UTRN: variants seen among roughly 807,000 people sequenced by gnomAD.
UTRN encodes the protein dystrophin-related protein 1.
Under a neutral mutation model 463.9 loss-of-function variants are expected in UTRN, and 283 were observed. The ratio of observed to expected loss-of-function variants is 0.61; its 90% CI spans 0.55 to 0.67. UTRN has a LOEUF of 0.67. Ranked by LOEUF, UTRN falls within the 30% of genes least tolerant of loss-of-function variation. The pLI is 0.00. For missense variants in UTRN, 3,922 were observed against 4,084.3 expected (o/e 0.96, Z 1.08); for synonymous variants, 1,442 against 1,431.5 (o/e 1.01, Z -0.17).
At chr6:144,848,155 A>G (rs1782181766) in intron 74 of UTRN, among the ~76,000 whole-genome samples, 3 of 152,028 alleles carry the variant, frequency 2.0e-5, no homozygotes, top group Non-Finnish European at 2.9e-5. Flanking sequence ...GTTGGGGAGG[A>G]GGTGTCAGAA....
chr6:144,827,397 A>G lies in UTRN; in HGVS notation c.9533+11A>G, dbSNP rs1322994260. 6.2e-6 allele frequency: 10 copies of G among 1,613,304 alleles called. No homozygotes were observed. The highest frequency in any genetic ancestry group is 5.5e-5 in the South Asian group (5 of 91,070). On this transcript the variant is annotated intron_variant, in intron 67 of 74. Coordinates refer to ENST00000367545, the MANE Select transcript of UTRN (RefSeq NM_007124.3). The stretch of plus-strand genomic sequence containing the variant: ...GCCAGAGCACTATGAGTGAGTATTC[A>G]TAGCCCACGTGCAGGAGAGGTGTTC...
At chr6:144,571,141 A>C (rs1404109299) in intron 50 of UTRN, among the ~76,000 whole-genome samples, 1 of 152,132 alleles carries the variant, frequency 6.6e-6, no homozygotes, top group Non-Finnish European at 1.5e-5. Context: ...TGTGTAGTGG[A>C]TTGATTGCAT....
At chr6:144,796,511 A>T (rs1170651345) in intron 63 of UTRN, among the ~76,000 whole-genome samples, 1 of 152,198 alleles carries the variant, frequency 6.6e-6, no homozygotes, top group African/African-American at 2.4e-5. Flanking sequence ...ATATATATAC[A>T]TTAAAGATGT....
At position 144,632,779 on chromosome 6, in the gene UTRN, T is replaced by G. The variant is rs141929780; in HGVS notation, c.7480-45627T>G. ...TCTTGTTGCCTAGGCTGGAGTGCAATGGCAAGATCTTGGCTCACTGCAACC... is the reference window on the plus strand; with the variant it reads ...TCTTGTTGCCTAGGCTGGAGTGCAAGGGCAAGATCTTGGCTCACTGCAACC... On this transcript the variant is annotated intron_variant, in intron 51 of 74. Transcript: ENST00000367545. Among the ~76,000 whole-genome samples the G allele has an allele frequency of 2.0e-3, 297 of 151,956 alleles. 7 individuals are homozygous for G. The East Asian group carries it at 0.047, about 24-fold the overall frequency.
intron 61 of UTRN, 45 bp downstream of exon 61, chr6:144,782,168 A>G (rs765640764): frequency 2.7e-6 from 4 of 1,471,158 alleles, no homozygotes; most frequent in Non-Finnish European, 3.7e-6. Context: ...ACTGAATGAA[A>G]TATGTTAATA....
chr6:144,638,713 A>G (rs1175047472), intron 51 of UTRN, among the ~76,000 whole-genome samples: 1 of 152,202 alleles, frequency 6.6e-6, no homozygotes, highest in Non-Finnish European at 1.5e-5. Context: ...ATTTAAAATT[A>G]ATTTTGGAAG....
At chr6:144,565,174 C>T (rs1487239044) in intron 50 of UTRN, among the ~76,000 whole-genome samples, 3 of 152,022 alleles carry the variant, frequency 2.0e-5, no homozygotes, top group Non-Finnish European at 4.4e-5. Flanking sequence ...GCCTTAAGGG[C>T]TTGGAAACAA....
At chr6:144,357,425 T>C (rs1167842566) in intron 2 of UTRN, among the ~76,000 whole-genome samples, 26 of 152,246 alleles carry the variant, frequency 1.7e-4, no homozygotes, top group Non-Finnish European at 1.5e-5. Context: ...CTTAGAGACA[T>C]TGAAGCCCAA....
chr6:144,418,557 G>GTTGT (rs375309361), intron 3 of UTRN, among the ~76,000 whole-genome samples: 377 of 150,866 alleles, frequency 2.5e-3, no homozygotes, highest in Non-Finnish European at 3.0e-3. Flanking sequence ...TTTTGTTGTT[G>GTTGT]TTGTTTGTTT....
intron 3 of UTRN, among the ~76,000 whole-genome samples, chr6:144,417,870 G>A (rs761968567): frequency 1.3e-5 from 2 of 152,140 alleles, no homozygotes; most frequent in Non-Finnish European, 1.5e-5. Context: ...AGACTTGTGA[G>A]ATCTTTCTCT....
chr6:144,733,090 A>C (rs1367443503), intron 54 of UTRN, among the ~76,000 whole-genome samples: 1 of 152,226 alleles, frequency 6.6e-6, no homozygotes, highest in African/African-American at 2.4e-5. Context: ...ACTACTGATT[A>C]AAGCACACAA....
rs116045799 is a variant in UTRN at position 144,447,681 on chromosome 6, T to C, written c.1802T>C (p.Leu601Pro). 25 of 1,614,080 alleles carry C rather than the reference T, an allele frequency of 1.5e-5. No homozygotes were observed. In the East Asian group the frequency reaches 4.9e-4, roughly 32 times the overall value. Residue 601 changes from leucine (L) to proline (P), a missense_variant, in exon 16 of 75, where the codon CTT becomes CCT. Physicochemically the swap from Leu to Pro is moderately conservative, Grantham distance 98. This residue lies in a region of UTRN where 2,349 missense variants were observed against 2,303.8 expected (regional missense o/e 1.02). Transcript: ENST00000367545. ...ATTGGCCAGGATGTGGGACAATTACTTGATAATTCCAAGGCATCTAAGAAG... is the reference window on the plus strand; with the variant it reads ...ATTGGCCAGGATGTGGGACAATTACCTGATAATTCCAAGGCATCTAAGAAG... ...SEIGQDVGQL[L>P]DNSKASKKIN...
chr6:144,525,005 T>G (rs543274018), intron 41 of UTRN, among the ~76,000 whole-genome samples: 1 of 152,282 alleles, frequency 6.6e-6, no homozygotes, highest in East Asian at 1.9e-4. Context: ...TATTGACTTG[T>G]GTATGTTAAA....
At chr6:144,830,751 T>G (rs13204600) in intron 69 of UTRN, among the ~76,000 whole-genome samples, 16,733 of 151,574 alleles carry the variant, frequency 0.11, 1,248 homozygotes, top group East Asian at 0.44. Flanking sequence ...CTTTTTTAGC[T>G]CATCAGCTAT....
At chr6:144,780,185 A>G (rs1775693650) in intron 60 of UTRN, among the ~76,000 whole-genome samples, 1 of 152,194 alleles carries the variant, frequency 6.6e-6, no homozygotes, top group Non-Finnish European at 1.5e-5. Context: ...GTTAACTGTC[A>G]AAATATGTCA....
At chr6:144,675,361 AG>A (rs993707506) in intron 51 of UTRN, among the ~76,000 whole-genome samples, 7 of 152,178 alleles carry the variant, frequency 4.6e-5, no homozygotes, top group African/African-American at 1.7e-4. Context: ...TGGAGGCTGC[AG>A]GGGAGTGAAG....
At chr6:144,488,568 C>G in intron 29 of UTRN, 105 bp from the exon 30 acceptor site, 2 of 1,104,836 alleles carry the variant, frequency 1.8e-6, no homozygotes, top group Non-Finnish European at 2.5e-6. Context: ...AAGCTAAAGT[C>G]TTGGATGAAA....
rs983256576 is a variant in UTRN at position 144,375,010 on chromosome 6, TG to T, written c.80-28112del. Among the ~76,000 whole-genome samples the T allele has an allele frequency of 1.1e-4, 16 of 152,094 alleles. No homozygotes were observed. The East Asian group carries it at 1.4e-3, about 13-fold the overall frequency. On this transcript the variant is annotated intron_variant, in intron 2 of 74. Coordinates refer to ENST00000367545, the MANE Select transcript of UTRN (RefSeq NM_007124.3). ...AAAAAATACTGGAATTCCTCAATCT[TG>T]ATGAACTATCCTTTCCATGTTTTCT... is the stretch of plus-strand genomic sequence containing the variant.
intron 50 of UTRN, among the ~76,000 whole-genome samples, chr6:144,572,618 A>G (rs1049174791): frequency 5.3e-5 from 8 of 151,256 alleles, no homozygotes; most frequent in African/African-American, 1.7e-4. Context: ...TCATTGTTCA[A>G]CTCCCACTTA....
Sources: gnomAD v4.1 joint callset for allele counts (sites outside exome capture counted in the v4.1 genomes callset) on GRCh38, gnomAD v4.1.1 for gene constraint, gnomAD v4.1.1 regional missense constraint, MANE v1.5 for transcripts, NCBI Gene and HGNC (gene_info 2026-07-23, HGNC 2026-07-21) for gene names.